The following PLA2G4C variants were observed in gnomAD, a reference collection of about 807,000 sequenced individuals.
PLA2G4C encodes cytosolic phospholipase A2 gamma.
A neutral mutation model predicts 73.8 loss-of-function variants in PLA2G4C; 64 were observed. The observed-to-expected ratio is 0.87, with a 90% CI of 0.71 to 1.07. PLA2G4C has a LOEUF of 1.07. PLA2G4C is among the 50% of genes least tolerant of loss of function. The probability of loss-of-function intolerance (pLI) is 0.00; values close to 1 mark genes in which losing one functional copy is unlikely to be tolerated. For missense variants in PLA2G4C, 622 were observed against 665.4 expected (o/e 0.93, Z 0.72); for synonymous variants, 254 against 252.1 (o/e 1.01, Z -0.07).
chr19:48,109,439 A>T (rs2032379325), intron 1 of PLA2G4C, among the ~76,000 whole-genome samples: 2 of 151,350 alleles, frequency 1.3e-5, no homozygotes, highest in African/African-American at 4.9e-5. Context: ...CTCCAGCTAA[A>T]TTTTTTATGT....
rs765702825 is a variant in PLA2G4C, at chr19:48,077,785, T to C, written c.884A>G (p.His295Arg). ...LRLQESSQGEHPPPEDEGGEP... is the reference protein window; with the variant it reads ...LRLQESSQGERPPPEDEGGEP... ...AGGATGCTTACCTTCTGGGGGAGGA[T>C]GTTCCCCTTGTGAACTTTCTTGCAG... Residue 295 changes from histidine (H) to arginine (R), a missense_variant, in exon 11 of 17, where the codon CAT becomes CGT. Transcript: ENST00000599921. 180 of 1,606,476 alleles carry C rather than the reference T, an allele frequency of 1.1e-4. No homozygotes were observed. Among genetic ancestry groups the C allele is most frequent in the Non-Finnish European group, 1.5e-4 (173 of 1,176,666 alleles).
chr19:48,060,077 C>T (rs986910673), intron 14 of PLA2G4C, among the ~76,000 whole-genome samples: 7 of 151,836 alleles, frequency 4.6e-5, no homozygotes, highest in African/African-American at 1.7e-4. Context: ...CTGGGCTTCC[C>T]TACTTTTGAG....
At chr19:48,063,646 C>A (rs917012794) in intron 13 of PLA2G4C, among the ~76,000 whole-genome samples, 1 of 146,326 alleles carries the variant, frequency 6.8e-6, no homozygotes, top group Non-Finnish European at 1.5e-5. Context: ...TGAACCCTTC[C>A]TCTTGGCCAG....
At position 48,053,370 on chromosome 19, in the gene PLA2G4C, T is replaced by C. The variant is rs531990197; in HGVS notation, c.1430-223A>G. Among the ~76,000 whole-genome samples, 663 of 142,828 alleles carry C rather than the reference T, an allele frequency of 4.6e-3. 6 individuals are homozygous for C. The highest frequency in any genetic ancestry group is 0.014 in the African/African-American group (508 of 37,238). 93.7% of individuals were successfully genotyped at this position (142,828 alleles called of 152,430 possible). ...CCCCTTCCGGTCCTTTTTTCTTTTT[T>C]TTTTTTTTTTTTTTTTGAGACAGAG... On this transcript the variant is annotated intron_variant, in intron 15 of 16. Transcript: ENST00000599921.
chr19:48,065,534 G>T (rs1968381849), intron 13 of PLA2G4C, among the ~76,000 whole-genome samples: 1 of 151,718 alleles, frequency 6.6e-6, no homozygotes, highest in Admixed American at 6.6e-5. Flanking sequence ...TGGTTGCAGT[G>T]AGCCAAGATT....
chr19:48,089,923 C>T lies in PLA2G4C; in HGVS notation c.763+441G>A, dbSNP rs575281559. 6.6e-5 allele frequency among the ~76,000 whole-genome samples: 10 copies of T among 152,244 alleles called. No individual in the cohort carries two copies. The East Asian group carries it at 1.3e-3, about 21-fold the overall frequency. On this transcript the variant is annotated intron_variant, in intron 8 of 16. Transcript: ENST00000599921. The stretch of plus-strand genomic sequence containing the variant: ...CTCAGCAAAATGGAAGGGACAAAAG[C>T]GTCTGCCTCTTAGGGTATTAAAGGG...
Position 48,088,675 on chromosome 19 carries a change from A to G in PLA2G4C, c.790+11T>C. On this transcript the variant is annotated intron_variant, in intron 9 of 16. Coordinates refer to ENST00000599921, the MANE Select transcript of PLA2G4C (RefSeq NM_003706.3). ...TATCATCAGGGATTCATGATGAAGTAGGATGCTTACCTTTCAGGGTCAGAT... is the reference window on the plus strand; with the variant it reads ...TATCATCAGGGATTCATGATGAAGTGGGATGCTTACCTTTCAGGGTCAGAT... 6.3e-7 allele frequency: 1 copy of G among 1,599,462 alleles called. No individual in the cohort carries two copies. Among genetic ancestry groups the G allele is most frequent in the Non-Finnish European group, 8.6e-7 (1 of 1,166,668 alleles).
chr19:48,074,961 A>G (rs1434190278), intron 11 of PLA2G4C, 87 bp from the exon 12 acceptor site: 1 of 859,324 alleles, frequency 1.2e-6, no homozygotes, highest in Non-Finnish European at 1.8e-6. Context: ...CATCTTCTGC[A>G]ATGCCCTGCG....
At chr19:48,070,094 T>C (rs1195467188) in intron 12 of PLA2G4C, among the ~76,000 whole-genome samples, 1 of 152,182 alleles carries the variant, frequency 6.6e-6, no homozygotes, top group Admixed American at 6.5e-5. Context: ...TTAACATCTC[T>C]GTTCTCATCT....
At chr19:48,089,080 A>G (rs2031148432) in intron 8 of PLA2G4C, among the ~76,000 whole-genome samples, 2 of 152,208 alleles carry the variant, frequency 1.3e-5, no homozygotes, top group South Asian at 4.1e-4. Context: ...GGATATAGAT[A>G]GATTCCCTTT....
intron 7 of PLA2G4C, among the ~76,000 whole-genome samples, chr19:48,093,834 C>T (rs2031435321): frequency 6.6e-6 from 1 of 152,176 alleles, no homozygotes; most frequent in African/African-American, 2.4e-5. Flanking sequence ...CCATGCTGTA[C>T]TCGTGATAGC....
intron 13 of PLA2G4C, among the ~76,000 whole-genome samples, chr19:48,066,587 C>G (rs1469275552): frequency 6.6e-6 from 1 of 152,050 alleles, no homozygotes; most frequent in Non-Finnish European, 1.5e-5. Context: ...AATTCACCCC[C>G]CTGGAAGATG....
At chr19:48,049,739 T>C (rs1297056743) in intron 16 of PLA2G4C, among the ~76,000 whole-genome samples, 2 of 152,166 alleles carry the variant, frequency 1.3e-5, no homozygotes, top group Non-Finnish European at 2.9e-5. Flanking sequence ...CCCTGAGTTC[T>C]ACAGGTGAGA....
At chr19:48,068,562 C>T (rs1968536367) in intron 12 of PLA2G4C, among the ~76,000 whole-genome samples, 1 of 151,778 alleles carries the variant, frequency 6.6e-6, no homozygotes, top group African/African-American at 2.4e-5. Context: ...CATATTAATG[C>T]ATGCCTGTGG....
At chr19:48,067,175 T>TG (rs1193874755) in intron 13 of PLA2G4C, among the ~76,000 whole-genome samples, 5 of 98,860 alleles carry the variant, frequency 5.1e-5, no homozygotes, top group African/African-American at 2.4e-4. Flanking sequence ...TGTGTGTTGT[T>TG]TTTTTTTTTT....
At chr19:48,080,098 A>C (rs1441291517) in intron 10 of PLA2G4C, among the ~76,000 whole-genome samples, 3 of 150,812 alleles carry the variant, frequency 2.0e-5, no homozygotes, top group African/African-American at 7.3e-5. Flanking sequence ...AGACGATTAT[A>C]CAGAACCTAT....
At chr19:48,084,745 C>A (rs984051365) in intron 10 of PLA2G4C, among the ~76,000 whole-genome samples, 1 of 152,204 alleles carries the variant, frequency 6.6e-6, no homozygotes, top group African/African-American at 2.4e-5. Flanking sequence ...ATCCTCATAA[C>A]TACTATTATT....
In PLA2G4C at chr19:48,077,899, C is replaced by T. The variant is rs376878021; in HGVS notation, c.845-75G>A. On this transcript the variant is annotated intron_variant, in intron 10 of 16. Coordinates refer to ENST00000599921, the MANE Select transcript of PLA2G4C (RefSeq NM_003706.3). The stretch of plus-strand genomic sequence containing the variant: ...TATAGAAAATACAGATTACCTGCAG[C>T]GACGTCTCTTTAATAGAAATGGCAG... The T allele has an allele frequency of 1.6e-4, 195 of 1,226,296 alleles. 1 individual carries two copies. Among genetic ancestry groups the T allele is most frequent in the Middle Eastern group, 4.8e-4 (2 of 4,140 alleles). 76.0% of individuals were successfully genotyped at this position (1,226,296 alleles called of 1,614,324 possible).
intron 13 of PLA2G4C, among the ~76,000 whole-genome samples, chr19:48,063,282 T>C (rs368187097): frequency 2.6e-5 from 4 of 152,136 alleles, no homozygotes; most frequent in African/African-American, 9.6e-5. Flanking sequence ...GACCTCGTGA[T>C]CTACCCGCTT....
Sources: allele counts gnomAD v4.1 joint callset (sites outside exome capture counted in the v4.1 genomes callset), GRCh38; gene constraint gnomAD v4.1.1; transcripts MANE v1.5; gene names NCBI Gene and HGNC (gene_info 2026-07-23, HGNC 2026-07-21).